TMEM232: variants seen among roughly 807,000 people sequenced by gnomAD.
TMEM232 encodes transmembrane protein 232.
TMEM232 carries 80 observed loss-of-function variants against 78.8 expected under a neutral mutation model. The observed-to-expected ratio is 1.01, with a 90% CI of 0.85 to 1.22. The LOEUF is 1.22. Ranked by LOEUF, TMEM232 falls within the 50% of genes most tolerant of loss-of-function variation. The pLI is 0.00. For missense variants in TMEM232, 881 were observed against 742.2 expected, an observed-to-expected ratio of 1.19 and a Z score of -2.17; for synonymous variants, 297 against 254.3, an observed-to-expected ratio of 1.17 and a Z score of -1.60.
At chr5:110,539,490 C>A (rs1179182891) in intron 11 of TMEM232, among the ~76,000 whole-genome samples, 1 of 152,148 alleles carries the variant, frequency 6.6e-6, no homozygotes, top group Non-Finnish European at 1.5e-5. Flanking sequence ...CAGTTCTAGA[C>A]CTAAAAGATG....
At chr5:110,396,992 C>T (rs990224855) in intron 3 of TMEM232, among the ~76,000 whole-genome samples, 1 of 152,104 alleles carries the variant, frequency 6.6e-6, no homozygotes, top group East Asian at 1.9e-4. Context: ...TCAGACAACT[C>T]TTTATCTCTG....
intron 5 of TMEM232, among the ~76,000 whole-genome samples, chr5:110,628,595 T>A (rs986830154): frequency 6.6e-6 from 1 of 151,890 alleles, no homozygotes; most frequent in Non-Finnish European, 1.5e-5. Flanking sequence ...ACATTAACTA[T>A]AGAAATGGAA....
At chr5:110,697,033 C>T (rs1794875797) in intron 1 of TMEM232, among the ~76,000 whole-genome samples, 1 of 152,184 alleles carries the variant, frequency 6.6e-6, no homozygotes, top group Admixed American at 6.5e-5. Flanking sequence ...CATCACGCTA[C>T]CTGACTTCAA....
intron 10 of TMEM232, among the ~76,000 whole-genome samples, chr5:110,580,567 T>C (rs936553718): frequency 2.0e-5 from 3 of 149,772 alleles, no homozygotes; most frequent in Non-Finnish European, 4.5e-5. Context: ...GAGGCAAACA[T>C]TGACAGAACT....
At chr5:110,610,886 G>C (rs367784069) in intron 8 of TMEM232, among the ~76,000 whole-genome samples, 2 of 152,164 alleles carry the variant, frequency 1.3e-5, no homozygotes, top group South Asian at 4.2e-4. Context: ...AGCCAGCCAA[G>C]GTTCGTATAT....
exon 5 of TMEM232, chr5:110,387,820 G>A (rs1351331805): frequency 6.6e-6 from 1 of 152,078 alleles, no homozygotes; most frequent in Non-Finnish European, 1.5e-5. Flanking sequence ...TCCTTTTCAC[G>A]TTCTTTGTCC....
chr5:110,488,107 T>C (rs908046704), intron 12 of TMEM232, among the ~76,000 whole-genome samples: 1 of 152,102 alleles, frequency 6.6e-6, no homozygotes, highest in African/African-American at 2.4e-5. Context: ...CAAGAATTTA[T>C]CCATATCTTC....
At chr5:110,644,767 A>C (rs1184091504) in intron 2 of TMEM232, among the ~76,000 whole-genome samples, 2 of 151,670 alleles carry the variant, frequency 1.3e-5, no homozygotes, top group East Asian at 1.9e-4. Context: ...AAGAAGTAGA[A>C]ATAAATTAAA....
intron 12 of TMEM232, among the ~76,000 whole-genome samples, chr5:110,501,142 G>C (rs369254762): frequency 6.6e-6 from 1 of 152,136 alleles, no homozygotes; most frequent in East Asian, 1.9e-4. Flanking sequence ...AAAAATGGGT[G>C]TAACAAGTGG....
intron 2 of TMEM232, among the ~76,000 whole-genome samples, chr5:110,662,434 C>T (rs1347864601): frequency 6.6e-6 from 1 of 151,870 alleles, no homozygotes; most frequent in African/African-American, 2.4e-5. Context: ...GTTGTTTCTC[C>T]AAATTGATCT....
intron 12 of TMEM232, among the ~76,000 whole-genome samples, chr5:110,445,128 A>AT (rs1384663462): frequency 6.6e-6 from 1 of 151,238 alleles, no homozygotes; most frequent in South Asian, 2.1e-4. Context: ...TTTTTTGGAC[A>AT]TTTTTTTCTT....
chr5:110,508,406 T>C (rs1437589071), intron 12 of TMEM232, among the ~76,000 whole-genome samples: 1 of 150,888 alleles, frequency 6.6e-6, no homozygotes, highest in Non-Finnish European at 1.5e-5. Flanking sequence ...TTTATATATA[T>C]ATAAAATACA....
chr5:110,389,879 CATGAAGAGCAAGA>C (rs202028713), intron 4 of TMEM232, among the ~76,000 whole-genome samples: 2,082 of 152,278 alleles, frequency 0.014, 21 homozygotes, highest in Non-Finnish European at 0.022. Context: ...TGTCAACAAA[CATGAAGAGCAAGA>C]AGTCAGGTCT....
chr5:110,671,693 A>G (rs1386800894), intron 1 of TMEM232, among the ~76,000 whole-genome samples: 1 of 152,174 alleles, frequency 6.6e-6, no homozygotes, highest in Non-Finnish European at 1.5e-5. Context: ...GGAGTTGAAC[A>G]CTGAGAACAC....
At chr5:110,388,641 C>T (rs1755068136) in intron 4 of TMEM232, among the ~76,000 whole-genome samples, 1 of 152,142 alleles carries the variant, frequency 6.6e-6, no homozygotes, top group African/African-American at 2.4e-5. Context: ...CACATCTTCC[C>T]AATCCAGGAA....
At chr5:110,704,947 G>T (rs1795780998) in intron 1 of TMEM232, among the ~76,000 whole-genome samples, 1 of 152,068 alleles carries the variant, frequency 6.6e-6, no homozygotes, top group Non-Finnish European at 1.5e-5. Context: ...TTTTGTGACT[G>T]GAGGTCTATG....
chr5:110,584,288 T>C (rs1022929831), intron 10 of TMEM232, among the ~76,000 whole-genome samples: 37 of 151,790 alleles, frequency 2.4e-4, no homozygotes, highest in Non-Finnish European at 4.9e-4. Context: ...GAAAATGTCA[T>C]ATATATATAA....
intron 12 of TMEM232, among the ~76,000 whole-genome samples, chr5:110,464,136 A>T (rs1240286396): frequency 6.6e-6 from 1 of 152,176 alleles, no homozygotes; most frequent in Admixed American, 6.5e-5. Flanking sequence ...CCGAAGTTAC[A>T]CATTTGTTGT....
At chr5:110,732,850 T>C (rs1021271916) in intron 2 of TMEM232, among the ~76,000 whole-genome samples, 1 of 152,134 alleles carries the variant, frequency 6.6e-6, no homozygotes, top group South Asian at 2.1e-4. Flanking sequence ...AAAGGAAAGC[T>C]AATCAAATGT....
Sources: gnomAD v4.1 joint callset for allele counts (sites outside exome capture counted in the v4.1 genomes callset) on GRCh38, gnomAD v4.1.1 for gene constraint, MANE v1.5 for transcripts, NCBI Gene and HGNC (gene_info 2026-07-23, HGNC 2026-07-21) for gene names.